The following POU5F1 variants were observed in gnomAD, a reference collection of about 807,000 sequenced individuals.
The protein encoded by POU5F1 is POU class 5 homeobox 1.
A neutral mutation model predicts 38.3 loss-of-function variants in POU5F1; 6 were observed. The observed-to-expected ratio is 0.16, with a 90% confidence interval of 0.09 to 0.31. The LOEUF is 0.31. POU5F1 is among the 10% of genes least tolerant of loss of function. The probability of loss-of-function intolerance (pLI) is 1.00; values close to 1 mark genes in which losing one functional copy is unlikely to be tolerated. For missense variants in POU5F1, 286 were observed against 462.6 expected (o/e 0.62, Z 3.50); for synonymous variants, 147 against 194.9 (o/e 0.75, Z 2.05).
At position 31,165,290 on chromosome 6, in the gene POU5F1, T is replaced by G. The variant is rs749528081; in HGVS notation, c.658-4A>C. ...CGAGGGTTTCTGCTTTGCATATCTG[T>G]GCAGGTGGGAAGGGGGTGACAAGGG... On this transcript the variant is annotated splice_polypyrimidine_tract_variant and splice_region_variant and intron_variant, in intron 3 of 4. Coordinates refer to ENST00000259915, the MANE Select transcript of POU5F1 (RefSeq NM_002701.6). The surrounding 1 kb of genome is among the most constrained non-coding windows in gnomAD (Gnocchi z 6.5). The G allele has an allele frequency of 3.7e-6, 6 of 1,609,212 alleles. No homozygotes were observed. The highest frequency in any genetic ancestry group is 5.1e-6 in the Non-Finnish European group (6 of 1,177,976).
chr6:31,167,506 A>C (rs2517947), intron 1 of POU5F1, among the ~76,000 whole-genome samples: 1 of 152,068 alleles, frequency 6.6e-6, no homozygotes, highest in Non-Finnish European at 1.5e-5. Flanking sequence ...TCAGGAGTTC[A>C]AGACTAGCCT....
chr6:31,167,117 T>C, intron 1 of POU5F1: 1 of 439,568 alleles, frequency 2.3e-6, no homozygotes. Flanking sequence ...TATTTGGCAC[T>C]TGTTCTTCAA....
At chr6:31,166,873 A>G in intron 1 of POU5F1, 2 of 1,289,468 alleles carry the variant, frequency 1.6e-6, no homozygotes, top group Non-Finnish European at 2.0e-6. Context: ...ATAACATGGC[A>G]TGCATACACA....
At position 31,164,847 on chromosome 6, in the gene POU5F1, A is replaced by G; in HGVS notation, c.837T>C (p.Cys279=). Residue 279 remains cysteine, a synonymous_variant, in exon 5 of 5, where the codon TGT becomes TGC. Coordinates refer to ENST00000259915, the MANE Select transcript of POU5F1 (RefSeq NM_002701.6). The part of the protein sequence containing the change: ...LEKDVVRVWF[C]NRRQKGKRSS... ...ATCGCTTGCCCTTCTGGCGCCGGTT[A>G]CAGAACCACACTCGGACCACCTGCA... 6.2e-7 allele frequency: 1 copy of G among 1,612,296 alleles called. No individual in the cohort carries two copies. Among genetic ancestry groups the G allele is most frequent in the Non-Finnish European group, 8.5e-7 (1 of 1,179,462 alleles).
intron 1 of POU5F1, chr6:31,167,041 C>T (rs1777322487): frequency 1.7e-6 from 1 of 605,304 alleles, no homozygotes; most frequent in Non-Finnish European, 2.9e-6. Context: ...TTATCGAGCA[C>T]CTTCTATAAG....
At position 31,165,868 on chromosome 6, in the gene POU5F1, A is replaced by G; in HGVS notation, c.526+59T>C. 2 of 1,607,770 alleles carry G rather than the reference A, an allele frequency of 1.2e-6. No homozygotes were observed. The highest frequency in any genetic ancestry group is 1.7e-5 in the Admixed American group (1 of 59,488). ...TAGTCTGCCCCTGCCCCTCCCCACT[A>G]GGTTCAGGGATACTCCTTAGAGGGG... On this transcript the variant is annotated intron_variant, in intron 2 of 4. Coordinates refer to ENST00000259915, the MANE Select transcript of POU5F1 (RefSeq NM_002701.6). This position sits in a 1 kb window ranked among gnomAD's most constrained non-coding sequence, Gnocchi z 6.5.
At position 31,164,718 on chromosome 6, in the gene POU5F1, G is replaced by A. The variant is rs753553081; in HGVS notation, c.966C>T (p.Thr322=). ...FPLAPGPHFG[T]PGYGSPHFTA... ...TGAAGTGAGGGCTCCCATAGCCTGGGGTACCAAAATGGGGCCCTGGGGCCA... is the reference window on the plus strand; with the variant it reads ...TGAAGTGAGGGCTCCCATAGCCTGGAGTACCAAAATGGGGCCCTGGGGCCA... Residue 322 remains threonine, a synonymous_variant, in exon 5 of 5, where the codon ACC becomes ACT. Coordinates refer to ENST00000259915, the MANE Select transcript of POU5F1 (RefSeq NM_002701.6). 1.9e-6 allele frequency: 3 copies of A among 1,599,694 alleles called. No individual in the cohort carries two copies. Among genetic ancestry groups the A allele is most frequent in the Non-Finnish European group, 2.6e-6 (3 of 1,173,294 alleles).
At position 31,166,525 on chromosome 6, in the gene POU5F1, G is replaced by A. The variant is rs1245688817; in HGVS notation, c.406-478C>T. On this transcript the variant is annotated intron_variant, in intron 1 of 4. Transcript: ENST00000259915. ...AACACAAAAATTAGCTGGGCACGGT[G>A]GCACGCACCTGTAATCCCAGCTACT... 6.4e-5 allele frequency: 65 copies of A among 1,013,384 alleles called. 2 individuals carry two copies. The East Asian group carries it at 2.4e-3, about 37-fold the overall frequency. The allele number at this position is 1,013,384 out of a possible 1,614,324, so 62.8% of individuals were successfully genotyped here. A position where few individuals can be genotyped will look rare whatever the true frequency, so the allele number is the denominator to read the frequency against.
chr6:31,166,247 C>T, intron 1 of POU5F1, 200 bp from the exon 2 acceptor site: 1 of 1,546,908 alleles, frequency 6.5e-7, no homozygotes, highest in Non-Finnish European at 8.7e-7. Context: ...TTCACTGACT[C>T]ATGCATGTAA....
At chr6:31,166,086 C>T (rs1582033638) in intron 1 of POU5F1, 39 bp from the exon 2 acceptor site, 3 of 1,614,212 alleles carry the variant, frequency 1.9e-6, no homozygotes, top group Non-Finnish European at 2.5e-6. Context: ...AGAACATAAA[C>T]ACACCAGTTA....
chr6:31,170,580 G>C lies in POU5F1; in HGVS notation c.41C>G (p.Pro14Arg), dbSNP rs770851738. The change falls in exon 1 of 5, where the codon CCT becomes CGT. Residue 14 changes from proline (P) to arginine (R), a missense_variant. By Grantham distance (103) the Pro-to-Arg change is moderately radical. Coordinates refer to ENST00000259915, the MANE Select transcript of POU5F1 (RefSeq NM_002701.6). ...HLASDFAFSP[P>R]PGGGGDGPGG... ...TGGCCCATCACCTCCACCACCTGGA[G>C]GGGGCGAGAAGGCGAAATCCGAAGC... The C allele has an allele frequency of 1.3e-6, 2 of 1,567,786 alleles. No individual in the cohort carries two copies.
chr6:31,165,112 G>A lies in POU5F1; in HGVS notation c.816+16C>T. On this transcript the variant is annotated intron_variant, in intron 4 of 4. Transcript: ENST00000259915. The surrounding 1 kb of genome is among the most constrained non-coding windows in gnomAD (Gnocchi z 6.5). ...AGGGGAAAGAGATGGAGCCCGCAGAGAGACATGGCACTCACATCCTTCTCG... is the reference window on the plus strand; with the variant it reads ...AGGGGAAAGAGATGGAGCCCGCAGAAAGACATGGCACTCACATCCTTCTCG... 5 of 1,605,282 alleles carry A rather than the reference G, an allele frequency of 3.1e-6. No homozygotes were observed. Among genetic ancestry groups the A allele is most frequent in the Non-Finnish European group, 4.3e-6 (5 of 1,176,170 alleles).
In POU5F1 at chr6:31,164,659, C is replaced by G; in HGVS notation, c.1025G>C (p.Gly342Ala). ...GACGGAGACAGGGGGAAAGGCTTCC[C>G]CCTCAGGGAAAGGGACCGAGGAGTA... ...ALYSSVPFPE[G>A]EAFPPVSVTT... The change falls in exon 5 of 5, where the codon GGG becomes GCG. Residue 342 changes from glycine to alanine, a missense_variant. Physicochemically the swap from Gly to Ala is moderately conservative, Grantham distance 60. This residue lies in a region of POU5F1 where 110 missense variants were observed against 277.8 expected (regional missense o/e 0.40). Coordinates refer to ENST00000259915, the MANE Select transcript of POU5F1 (RefSeq NM_002701.6). 6.3e-7 allele frequency: 1 copy of G among 1,586,252 alleles called. No homozygotes were observed. Among genetic ancestry groups the G allele is most frequent in the Non-Finnish European group, 8.6e-7 (1 of 1,166,334 alleles).
In POU5F1 at chr6:31,166,046, G is replaced by T. The variant is rs768359010; in HGVS notation, c.407C>A (p.Ser136Tyr). Reference protein sequence around the residue: ...KEKLEQNPEESQDIKALQKEL... With the variant: ...KEKLEQNPEEYQDIKALQKEL... ...TTTCTGCAGAGCTTTGATGTCCTGG[G>T]ACTGGATTTTAAAAGGCAGAAGACT... Residue 136 changes from serine (S) to tyrosine (Y), a missense_variant and splice_region_variant, in exon 2 of 5, where the codon TCC becomes TAC. Transcript: ENST00000259915. The T allele has an allele frequency of 6.2e-7, 1 of 1,614,192 alleles. No homozygotes were observed. Among genetic ancestry groups the T allele is most frequent in the South Asian group, 1.1e-5 (1 of 91,086 alleles).
intron 1 of POU5F1, chr6:31,166,642 G>A (rs1777281473): frequency 8.6e-7 from 1 of 1,156,752 alleles, no homozygotes; most frequent in East Asian, 4.1e-5. Context: ...CTGGGTGACA[G>A]AGCAAGACTC....
chr6:31,167,578 C>A (rs777945135), intron 1 of POU5F1, among the ~76,000 whole-genome samples: 2 of 151,840 alleles, frequency 1.3e-5, no homozygotes, highest in Non-Finnish European at 2.9e-5. Context: ...CATCATGGCG[C>A]TCCCCTATAA....
At position 31,166,035 on chromosome 6, in the gene POU5F1, T is replaced by C. The variant is rs1408966195; in HGVS notation, c.418A>G (p.Lys140Glu). 6.2e-7 allele frequency: 1 copy of C among 1,614,120 alleles called. No homozygotes were observed. The highest frequency in any genetic ancestry group is 1.3e-5 in the African/African-American group (1 of 74,946). ...TGCTCGAGTTCTTTCTGCAGAGCTT[T>C]GATGTCCTGGGACTGGATTTTAAAA... ...EQNPEESQDI[K>E]ALQKELEQFA... The change falls in exon 2 of 5, where the codon AAA becomes GAA. Residue 140 changes from lysine to glutamate, a missense_variant. By Grantham distance (56) the Lys-to-Glu change is moderately conservative (BLOSUM62 1). Transcript: ENST00000259915.
chr6:31,167,925 C>A (rs990407598), intron 1 of POU5F1, among the ~76,000 whole-genome samples: 1 of 144,534 alleles, frequency 6.9e-6, no homozygotes, highest in Admixed American at 7.1e-5. Context: ...TGTTTTAGTC[C>A]AAGCGAAATG....
Position 31,170,523 on chromosome 6 carries a change from C to G in POU5F1, c.98G>C (p.Arg33Pro), listed in dbSNP as rs758911777. The G allele has an allele frequency of 2.5e-6, 4 of 1,587,468 alleles. No homozygotes were observed. Among genetic ancestry groups the G allele is most frequent in the Admixed American group, 1.8e-5 (1 of 56,288 alleles). The change falls in exon 1 of 5, where the codon CGG becomes CCG. Residue 33 changes from arginine to proline, a missense_variant. Coordinates refer to ENST00000259915, the MANE Select transcript of POU5F1 (RefSeq NM_002701.6). ...AGGGCCTTGGAAGCTTAGCCAGGTC[C>G]GAGGATCAACCCAGCCCGGCTCCGG... ...GGPEPGWVDP[R>P]TWLSFQGPPG...
Sources: gnomAD v4.1 joint callset for allele counts (sites outside exome capture counted in the v4.1 genomes callset) on GRCh38, gnomAD v4.1.1 for gene constraint, gnomAD v4.1.1 regional missense constraint, Gnocchi (gnomAD v3.1) non-coding constraint, MANE v1.5 for transcripts, NCBI Gene and HGNC (gene_info 2026-07-23, HGNC 2026-07-21) for gene names.